The following TCF25 variants were observed in gnomAD, a reference collection of about 807,000 sequenced individuals.
TCF25 encodes TCF25 ribosome quality control complex subunit.
A neutral mutation model predicts 83.1 loss-of-function variants in TCF25; 41 were observed. That is an observed-to-expected ratio of 0.49 (90% CI 0.38 to 0.64). The LOEUF (loss-of-function observed/expected upper bound fraction) is 0.64. Ranked by LOEUF, TCF25 falls within the 30% of genes least tolerant of loss-of-function variation. The pLI, the probability that TCF25 is intolerant of heterozygous loss-of-function variation, is 0.00. For missense variants in TCF25, 979 were observed against 914.5 expected (o/e 1.07, Z -0.91); for synonymous variants, 458 against 365.0 (o/e 1.25, Z -2.90).
chr16:89,890,997 C>G (rs955409954), intron 5 of TCF25, among the ~76,000 whole-genome samples: 3 of 152,126 alleles, frequency 2.0e-5, no homozygotes, highest in African/African-American at 7.2e-5. Flanking sequence ...TCTGGTGGTT[C>G]TCTCAGAAGC....
In TCF25 at chr16:89,875,820, CTT is replaced by C. The variant is rs1164528945; in HGVS notation, c.192+1988_192+1989del. Among the ~76,000 whole-genome samples, 3 of 64,862 alleles carry C rather than the reference CTT, an allele frequency of 4.6e-5. 1 individual carries two copies. Among genetic ancestry groups the C allele is most frequent in the African/African-American group, 1.7e-4 (3 of 17,542 alleles). 42.6% of individuals were successfully genotyped at this position (64,862 alleles called of 152,430 possible). On this transcript the variant is annotated intron_variant, in intron 1 of 17. Transcript: ENST00000263346. ...TACAGGCGTGAGCCACTGCGCCTGG[CTT>C]TTTTTTTTTTTTTTTTTTTTTTTTT...
chr16:89,901,825 G>A (rs112400018), intron 12 of TCF25, among the ~76,000 whole-genome samples: 2 of 24,258 alleles, frequency 8.2e-5, no homozygotes, highest in South Asian at 2.2e-3. Context: ...CCTTAAGACG[G>A]GCCTCCTCCG....
chr16:89,874,254 A>T (rs1347217974), intron 1 of TCF25, among the ~76,000 whole-genome samples: 2 of 151,830 alleles, frequency 1.3e-5, no homozygotes, highest in Non-Finnish European at 2.9e-5. Context: ...GGGCGGGATT[A>T]AATGGGCCTG....
chr16:89,910,754 C>A, intron 17 of TCF25, 91 bp downstream of exon 17: 1 of 1,413,898 alleles, frequency 7.1e-7, no homozygotes, highest in Non-Finnish European at 9.9e-7. Context: ...TGAACCAGGA[C>A]TGTGCCAGCC....
intron 11 of TCF25, among the ~76,000 whole-genome samples, chr16:89,899,456 G>A (rs2044145533): frequency 6.6e-6 from 1 of 152,222 alleles, no homozygotes; most frequent in Non-Finnish European, 1.5e-5. Context: ...ATTGGGCCGG[G>A]CATGGTGGCT....
In TCF25 at chr16:89,900,798, A is replaced by C; in HGVS notation, c.1381+4A>C. On this transcript the variant is annotated splice_donor_region_variant and intron_variant, in intron 12 of 17. Coordinates refer to ENST00000263346, the MANE Select transcript of TCF25 (RefSeq NM_014972.3). ...GCGCTCACCATGTTCCCTGGAGGTGAGTGAGCGCTGTGTCTCGCCTGGGGT... is the reference window on the plus strand; with the variant it reads ...GCGCTCACCATGTTCCCTGGAGGTGCGTGAGCGCTGTGTCTCGCCTGGGGT... 6.4e-7 allele frequency: 1 copy of C among 1,567,882 alleles called. No individual in the cohort carries two copies. Among genetic ancestry groups the C allele is most frequent in the Non-Finnish European group, 8.7e-7 (1 of 1,143,220 alleles).
At chr16:89,900,513 C>T (rs62052183) in intron 11 of TCF25, 122 bp from the exon 12 acceptor site, 6 of 1,143,346 alleles carry the variant, frequency 5.2e-6, no homozygotes, top group Middle Eastern at 4.7e-4. Context: ...GAGGCCCTTG[C>T]GTTGCCTGCA....
intron 3 of TCF25, among the ~76,000 whole-genome samples, chr16:89,885,215 G>C (rs1187663534): frequency 6.6e-6 from 1 of 152,230 alleles, no homozygotes; most frequent in Non-Finnish European, 1.5e-5. Flanking sequence ...GTATAACTAA[G>C]AGATCAGGGA....
intron 12 of TCF25, chr16:89,901,009 C>A: frequency 6.1e-6 from 3 of 491,344 alleles, no homozygotes; most frequent in Non-Finnish European, 1.1e-5. Flanking sequence ...GAGGAGGTGG[C>A]AGGCATCCCG....
chr16:89,897,046 A>T lies in TCF25; in HGVS notation c.1022+963A>T, dbSNP rs1348254616. On this transcript the variant is annotated intron_variant, in intron 9 of 17. Transcript: ENST00000263346. Reference sequence around the variant, plus strand: ...TGTCTCTCAAAAAAAAAAAAAGAAGAAGAAGAAGAAGTGAGCCTGAGAAAC... The same window carrying T: ...TGTCTCTCAAAAAAAAAAAAAGAAGTAGAAGAAGAAGTGAGCCTGAGAAAC... 4.0e-5 allele frequency among the ~76,000 whole-genome samples: 6 copies of T among 151,728 alleles called. No individual in the cohort carries two copies. In the East Asian group the frequency reaches 1.2e-3, roughly 30 times the overall value.
In TCF25 at chr16:89,892,248, A is replaced by G. The variant is rs2043487552; in HGVS notation, c.670A>G (p.Ser224Gly). ...PKCTWLTTPK[S>G]TWPRYSKPGL... The stretch of plus-strand genomic sequence containing the variant: ...GTGCACATGGCTGACCACCCCTAAA[A>G]GCACCTGGCCCCGCTACAGCAAACC... Residue 224 changes from serine (S) to glycine (G), a missense_variant, in exon 6 of 18, where the codon AGC (serine) becomes GGC (glycine). Physicochemically the swap from Ser to Gly is moderately conservative, Grantham distance 56. Transcript: ENST00000263346. 9 of 1,612,870 alleles carry G rather than the reference A, an allele frequency of 5.6e-6. No homozygotes were observed. The highest frequency in any genetic ancestry group is 7.6e-6 in the Non-Finnish European group (9 of 1,179,684).
At chr16:89,882,211 G>GTTCA (rs935114499) in intron 1 of TCF25, among the ~76,000 whole-genome samples, 3 of 152,150 alleles carry the variant, frequency 2.0e-5, no homozygotes, top group African/African-American at 7.2e-5. Flanking sequence ...TTCAGTGGTG[G>GTTCA]TTCATTCATT....
chr16:89,883,213 G>A (rs2042737720), intron 1 of TCF25, 138 bp from the exon 2 acceptor site: 4 of 1,170,728 alleles, frequency 3.4e-6, no homozygotes, highest in South Asian at 3.2e-5. Context: ...TCGGGTTCTT[G>A]CATCTTTCCC....
At chr16:89,907,493 A>C (rs367669782) in intron 16 of TCF25, among the ~76,000 whole-genome samples, 171 bp downstream of exon 16, 14 of 20,134 alleles carry the variant, frequency 7.0e-4, no homozygotes, top group East Asian at 2.6e-3. Context: ...CCCAGCTCCC[A>C]CCTCCCTCCT....
intron 1 of TCF25, 50 bp from the exon 2 acceptor site, chr16:89,883,301 C>T (rs2042745336): frequency 4.4e-6 from 7 of 1,597,192 alleles, no homozygotes; most frequent in East Asian, 2.2e-5. Context: ...TCAGCATGAG[C>T]GTTCACACTG....
At chr16:89,892,542 C>T (rs2043515776) in intron 6 of TCF25, among the ~76,000 whole-genome samples, 1 of 152,176 alleles carries the variant, frequency 6.6e-6, no homozygotes, top group South Asian at 2.1e-4. Context: ...GGAGGCCTGG[C>T]CCAGTACCTC....
In TCF25 at chr16:89,873,617, T is replaced by G. The variant is rs776968338; in HGVS notation, c.-51T>G. ...GTGCGCAGGCGCGCCGACAGCCGAGTTTTCTGCGCTTCCTTCTCCCTCTCT... is the reference window on the plus strand; with the variant it reads ...GTGCGCAGGCGCGCCGACAGCCGAGGTTTCTGCGCTTCCTTCTCCCTCTCT... On this transcript the variant is annotated 5_prime_UTR_variant, in exon 1 of 18. Coordinates refer to ENST00000263346, the MANE Select transcript of TCF25 (RefSeq NM_014972.3). 38 of 1,245,746 alleles carry G rather than the reference T, an allele frequency of 3.1e-5. No individual in the cohort carries two copies. The highest frequency in any genetic ancestry group is 2.9e-4 in the Middle Eastern group (1 of 3,408). The allele number at this position is 1,245,746 out of a possible 1,614,324, so 77.2% of individuals were successfully genotyped here.
intron 1 of TCF25, among the ~76,000 whole-genome samples, chr16:89,876,125 T>C: frequency 6.6e-6 from 1 of 152,134 alleles, no homozygotes; most frequent in African/African-American, 2.4e-5. Context: ...CTTGTGGACT[T>C]TCTGGAGTGA....
chr16:89,896,139 A>G, intron 9 of TCF25, 56 bp downstream of exon 9: 1 of 1,550,524 alleles, frequency 6.4e-7, no homozygotes, highest in Admixed American at 1.7e-5. Flanking sequence ...CCTGCGAGTG[A>G]GGCTGGGGGA....
Sources: gnomAD v4.1 joint callset for allele counts (sites outside exome capture counted in the v4.1 genomes callset) on GRCh38, gnomAD v4.1.1 for gene constraint, MANE v1.5 for transcripts, NCBI Gene and HGNC (gene_info 2026-07-23, HGNC 2026-07-21) for gene names.